Variants in CACNA1C observed in about 807,000 individuals in gnomAD.
CACNA1C encodes the protein voltage-dependent L-type calcium channel subunit alpha-1C.
In CACNA1C, 30 loss-of-function variants were observed where a neutral mutation model predicts 229.0. The observed-to-expected ratio is 0.13, with a 90% confidence interval of 0.10 to 0.18. The LOEUF (loss-of-function observed/expected upper bound fraction) is 0.18. CACNA1C is among the 10% of genes least tolerant of loss of function. The pLI is 1.00. For missense variants in CACNA1C, 1,658 were observed against 2,845.0 expected (o/e 0.58, Z 9.49); for synonymous variants, 1,114 against 1,132.5 (o/e 0.98, Z 0.33).
intron 13 of CACNA1C, among the ~76,000 whole-genome samples, chr12:2,572,880 TCTC>T (rs1430924542): frequency 3.0e-4 from 26 of 87,034 alleles, no homozygotes; most frequent in African/African-American, 4.5e-4. Context: ...CTCTTCTTCT[TCTC>T]CTCTCCTCCT....
rs1297981092 is a variant in CACNA1C at position 2,004,232 on chromosome 12, C to T, written c.139+33031C>T. On this transcript the variant is annotated intron_variant, in intron 1 of 46. Coordinates refer to the CACNA1C transcript ENST00000682462. The stretch of plus-strand genomic sequence containing the variant: ...CTCAAGTCCTGAGTCTGACGCCCCC[C>T]GCCTCCACCCCAACCCTGGGCTGCA... 6.9e-6 allele frequency: 11 copies of T among 1,605,754 alleles called. No homozygotes were observed. The Admixed American group carries it at 1.9e-4, about 27-fold the overall frequency.
At chr12:2,594,920 C>A (rs1443859288) in intron 19 of CACNA1C, among the ~76,000 whole-genome samples, 1 of 152,224 alleles carries the variant, frequency 6.6e-6, no homozygotes, top group Non-Finnish European at 1.5e-5. Flanking sequence ...TTCTTGACAG[C>A]ACTGCTGTTA....
chr12:2,550,426 G>T, intron 10 of CACNA1C: 1 of 837,560 alleles, frequency 1.2e-6, no homozygotes, highest in Middle Eastern at 3.0e-4. Flanking sequence ...CCTGAGTCCT[G>T]CTGGCCACCC....
At chr12:2,149,610 G>A (rs1438852911) in intron 3 of CACNA1C, among the ~76,000 whole-genome samples, 7 of 152,158 alleles carry the variant, frequency 4.6e-5, no homozygotes. Context: ...TTAACTGTCT[G>A]CCCTATCAGA....
intron 3 of CACNA1C, among the ~76,000 whole-genome samples, chr12:2,161,785 C>G (rs377294176): frequency 6.6e-6 from 1 of 152,128 alleles, no homozygotes; most frequent in African/African-American, 2.4e-5. Flanking sequence ...GGCTGGAGAC[C>G]GTATATCAAA....
In CACNA1C at chr12:1,993,473, G is replaced by A; in HGVS notation, c.139+22272G>A. 3.3e-6 allele frequency: 5 copies of A among 1,521,134 alleles called. No individual in the cohort carries two copies. The South Asian group carries it at 6.4e-5, about 20-fold the overall frequency. 94.2% of individuals were successfully genotyped at this position (1,521,134 alleles called of 1,614,324 possible). A position where few individuals can be genotyped will look rare whatever the true frequency, so the allele number is the denominator to read the frequency against. On this transcript the variant is annotated intron_variant, in intron 1 of 46. Coordinates refer to the CACNA1C transcript ENST00000682462. The stretch of plus-strand genomic sequence containing the variant: ...ATTTTCAGTATAAGTACATTCTGAT[G>A]TGTCTCTCAACCTTTGTTTGTATAT...
intron 1 of CACNA1C, among the ~76,000 whole-genome samples, chr12:1,976,835 G>A (rs1478145638): frequency 7.0e-6 from 1 of 142,518 alleles, no homozygotes; most frequent in African/African-American, 2.5e-5. Context: ...AAATATATTT[G>A]AGGAAAGGGG....
intron 8 of CACNA1C, among the ~76,000 whole-genome samples, chr12:2,507,908 G>C (rs2099775297): frequency 6.6e-6 from 1 of 152,258 alleles, no homozygotes. Flanking sequence ...TGACAGGCGA[G>C]AAATGGAGAG....
chr12:2,666,906 TC>T lies in CACNA1C; in HGVS notation c.4623+126del. ...GTGCCTAAAGATTACATTTTAAGGG[TC>T]CTTCCAGCTCTAAATTCTCAGACTC... On this transcript the variant is annotated intron_variant, in intron 37 of 46. Transcript: ENST00000399655. The surrounding 1 kb of genome is among the most constrained non-coding windows in gnomAD (Gnocchi z 5.3). 1.5e-6 allele frequency: 1 copy of T among 676,690 alleles called. No individual in the cohort carries two copies. The highest frequency in any genetic ancestry group is 2.7e-6 in the Non-Finnish European group (1 of 375,416). The allele number at this position is 676,690 out of a possible 1,614,324, so 41.9% of individuals were successfully genotyped here. A position where few individuals can be genotyped will look rare whatever the true frequency, so the allele number is the denominator to read the frequency against.
chr12:2,120,541 C>T (rs537840759), intron 3 of CACNA1C, 111 bp downstream of exon 3: 68 of 759,212 alleles, frequency 9.0e-5, no homozygotes, highest in Non-Finnish European at 1.4e-4. Context: ...TTGGCATGTG[C>T]AGGAGCCCTG....
In CACNA1C at chr12:2,453,716, C is replaced by T. The variant is rs944800092; in HGVS notation, c.618-3851C>T. On this transcript the variant is annotated intron_variant, in intron 4 of 46. Coordinates refer to ENST00000399655, the MANE Select transcript of CACNA1C (RefSeq NM_000719.7). Reference sequence around the variant, plus strand: ...ACTGTGCCCTCCCATCCCCATAGTCCCTCGCCTGTTCAGGGTCAGCCAACT... The same window carrying T: ...ACTGTGCCCTCCCATCCCCATAGTCTCTCGCCTGTTCAGGGTCAGCCAACT... Among the ~76,000 whole-genome samples, 4 of 152,148 alleles carry T rather than the reference C, an allele frequency of 2.6e-5. No homozygotes were observed. The South Asian group carries it at 8.3e-4, about 32-fold the overall frequency.
intron 3 of CACNA1C, among the ~76,000 whole-genome samples, chr12:2,436,771 C>G (rs2099139006): frequency 6.6e-6 from 1 of 152,240 alleles, no homozygotes; most frequent in African/African-American, 2.4e-5. Context: ...TACTAGAAAA[C>G]TCAACTCGGA....
At chr12:2,323,362 A>G (rs2096117168) in intron 3 of CACNA1C, among the ~76,000 whole-genome samples, 3 of 152,198 alleles carry the variant, frequency 2.0e-5, no homozygotes, top group African/African-American at 4.8e-5. Flanking sequence ...TCTCTAGCCT[A>G]GATATGCTGG....
intron 9 of CACNA1C, among the ~76,000 whole-genome samples, chr12:2,541,199 G>T (rs2099869309): frequency 6.6e-6 from 1 of 152,152 alleles, no homozygotes; most frequent in Non-Finnish European, 1.5e-5. Flanking sequence ...GTATGCGGGG[G>T]CTGGGACCTC....
intron 1 of CACNA1C, among the ~76,000 whole-genome samples, chr12:2,009,966 A>G (rs1306009796): frequency 6.6e-6 from 1 of 150,936 alleles, no homozygotes; most frequent in East Asian, 2.0e-4. Context: ...AATCTGTACA[A>G]TGTACTGCAA....
chr12:2,387,345 C>T (rs1319786462), intron 3 of CACNA1C, among the ~76,000 whole-genome samples: 2 of 152,156 alleles, frequency 1.3e-5, no homozygotes, highest in South Asian at 2.1e-4. Flanking sequence ...ATTAGTCAGG[C>T]GTGGTGGCAG....
chr12:2,609,764 C>G (rs2076820440), intron 27 of CACNA1C, among the ~76,000 whole-genome samples: 1 of 151,734 alleles, frequency 6.6e-6, no homozygotes, highest in Non-Finnish European at 1.5e-5. Context: ...TCTAGTTAGC[C>G]CAGAATCTCC....
chr12:2,230,080 G>A (rs2064364248), intron 3 of CACNA1C, among the ~76,000 whole-genome samples: 1 of 152,210 alleles, frequency 6.6e-6, no homozygotes, highest in Non-Finnish European at 1.5e-5. Context: ...GGAAGGGGAA[G>A]AAGGGGCCTG....
intron 3 of CACNA1C, among the ~76,000 whole-genome samples, chr12:2,201,168 C>T (rs1598908594): frequency 6.6e-6 from 1 of 152,272 alleles, no homozygotes; most frequent in Admixed American, 6.5e-5. Context: ...TGTCTCTCCA[C>T]TCAGTGCTCA....
Sources: allele counts gnomAD v4.1 joint callset (sites outside exome capture counted in the v4.1 genomes callset), GRCh38; gene constraint gnomAD v4.1.1; non-coding constraint Gnocchi (gnomAD v3.1); transcripts MANE v1.5; gene names NCBI Gene and HGNC (gene_info 2026-07-23, HGNC 2026-07-21).